The following RPTOR variants were observed in gnomAD, a reference collection of about 807,000 sequenced individuals.
The protein encoded by RPTOR is regulatory-associated protein of mTOR.
In RPTOR, 21 loss-of-function variants were observed where a neutral mutation model predicts 169.9. The observed-to-expected ratio is 0.12, with a 90% CI of 0.09 to 0.18. The LOEUF is 0.18. RPTOR is among the 10% of genes least tolerant of loss of function. The pLI is 1.00. For missense variants in RPTOR, 1,133 were observed against 1,855.9 expected, an observed-to-expected ratio of 0.61 and a Z score of 7.16; for synonymous variants, 732 against 753.2, an observed-to-expected ratio of 0.97 and a Z score of 0.46.
At chr17:80,580,533 A>G (rs189170024) in intron 1 of RPTOR, among the ~76,000 whole-genome samples, 267 of 152,254 alleles carry the variant, frequency 1.8e-3, no homozygotes, top group African/African-American at 5.9e-3. Context: ...GTATTTTTAC[A>G]TATGTTTATG....
chr17:80,827,771 A>T (rs558598938), intron 9 of RPTOR, among the ~76,000 whole-genome samples: 1 of 152,308 alleles, frequency 6.6e-6, no homozygotes, highest in Admixed American at 6.5e-5. Context: ...ACAGGTGGTC[A>T]TGTAAGAATA....
At chr17:80,879,573 G>C (rs1270475941) in intron 13 of RPTOR, among the ~76,000 whole-genome samples, 1 of 152,036 alleles carries the variant, frequency 6.6e-6, no homozygotes, top group Non-Finnish European at 1.5e-5. Context: ...TCTCCAAAAA[G>C]TACAAGACCC....
rs141638470 is a variant in RPTOR, at chr17:80,760,763, G to A, written c.830+6578G>A. 6.2e-4 allele frequency among the ~76,000 whole-genome samples: 95 copies of A among 152,270 alleles called. 2 individuals carry two copies. The East Asian group carries it at 0.015, about 24-fold the overall frequency. On this transcript the variant is annotated intron_variant, in intron 6 of 33. Transcript: ENST00000306801. ...GTGACCTGGAGAAGGGCGATGCTCG[G>A]GAAGGTGGATTCCCTCCCTCCCTCC...
intron 6 of RPTOR, among the ~76,000 whole-genome samples, chr17:80,776,321 C>CTTTTT (rs545348018): frequency 8.0e-5 from 9 of 112,240 alleles, no homozygotes; most frequent in South Asian, 5.7e-4. Flanking sequence ...GCCAAACTTC[C>CTTTTT]TTTTTTTTTT....
intron 3 of RPTOR, among the ~76,000 whole-genome samples, chr17:80,706,425 G>A (rs1420646978): frequency 1.3e-5 from 2 of 152,270 alleles, no homozygotes; most frequent in East Asian, 1.9e-4. Flanking sequence ...CACCCAGCCA[G>A]GTCTGTCTCC....
At chr17:80,933,968 G>A (rs752851130) in intron 24 of RPTOR, among the ~76,000 whole-genome samples, 6 of 151,876 alleles carry the variant, frequency 4.0e-5, no homozygotes, top group Admixed American at 2.6e-4. Context: ...TTGAGATGGG[G>A]TCTCATTCTG....
At chr17:80,904,953 C>T (rs1254624689) in intron 20 of RPTOR, among the ~76,000 whole-genome samples, 1 of 152,150 alleles carries the variant, frequency 6.6e-6, no homozygotes, top group Non-Finnish European at 1.5e-5. Context: ...AACAGTATTT[C>T]GACTTTGATA....
Position 80,655,747 on chromosome 17 carries a change from G to A in RPTOR, c.348+11937G>A, listed in dbSNP as rs2065674889. Among the ~76,000 whole-genome samples the A allele has an allele frequency of 5.3e-5, 8 of 152,142 alleles. No individual in the cohort carries two copies. The South Asian group carries it at 1.5e-3, about 28-fold the overall frequency. On this transcript the variant is annotated intron_variant, in intron 3 of 33. Transcript: ENST00000306801. ...GAGCCACAGTGCCAGCTTAAAATAC[G>A]TCAAATTTAAAATGCAAAAGAAGAA...
At chr17:80,859,320 T>C (rs1180869550) in intron 13 of RPTOR, among the ~76,000 whole-genome samples, 6 of 152,110 alleles carry the variant, frequency 3.9e-5, no homozygotes, top group Non-Finnish European at 7.4e-5. Context: ...GTGCAAAGGG[T>C]CTGGGAAGGG....
At chr17:80,713,168 A>G (rs2066210023) in intron 4 of RPTOR, among the ~76,000 whole-genome samples, 2 of 152,130 alleles carry the variant, frequency 1.3e-5, no homozygotes, top group South Asian at 4.1e-4. Flanking sequence ...TCCTGGGTTC[A>G]AGTGATTCTC....
chr17:80,820,974 T>C lies in RPTOR; in HGVS notation c.891-1227T>C, dbSNP rs1467148702. Among the ~76,000 whole-genome samples the C allele has an allele frequency of 6.6e-6, 1 of 152,266 alleles. No homozygotes were observed. The highest frequency in any genetic ancestry group is 1.5e-5 in the Non-Finnish European group (1 of 68,040). On this transcript the variant is annotated intron_variant, in intron 7 of 33. Transcript: ENST00000306801. The surrounding 1 kb of genome is among the most constrained non-coding windows in gnomAD (Gnocchi z 4.1). ...AAATCTTTGTTTGAGACTTCCGGCA[T>C]TGTTTGAGCAGCAGTGCTGCTTTAG...
chr17:80,835,098 G>C (rs139335181), intron 9 of RPTOR, among the ~76,000 whole-genome samples: 276 of 152,256 alleles, frequency 1.8e-3, no homozygotes, highest in Non-Finnish European at 3.3e-3. Context: ...CACGTACTTT[G>C]AGGCCTTTTG....
intron 3 of RPTOR, among the ~76,000 whole-genome samples, chr17:80,691,537 C>T (rs890079761): frequency 1.3e-5 from 2 of 152,276 alleles, no homozygotes; most frequent in African/African-American, 4.8e-5. Context: ...TTACTCTATT[C>T]GTTCTTCACC....
At chr17:80,812,638 C>T (rs1263371646) in intron 7 of RPTOR, among the ~76,000 whole-genome samples, 3 of 152,184 alleles carry the variant, frequency 2.0e-5, no homozygotes, top group East Asian at 1.9e-4. Context: ...CAAACGAAAG[C>T]TCAACCCCTG....
intron 21 of RPTOR, among the ~76,000 whole-genome samples, chr17:80,918,178 C>G (rs1425201488): frequency 6.6e-6 from 1 of 152,216 alleles, no homozygotes; most frequent in African/African-American, 2.4e-5. Context: ...TCAGCCTGGA[C>G]TAGCATAGCT....
chr17:80,873,888 C>A (rs911310033), intron 13 of RPTOR, among the ~76,000 whole-genome samples: 1 of 152,182 alleles, frequency 6.6e-6, no homozygotes, highest in African/African-American at 2.4e-5. Context: ...GGACAGCACT[C>A]GGTCTGTGCT....
chr17:80,569,909 AC>A (rs1329080464), intron 1 of RPTOR, among the ~76,000 whole-genome samples: 1 of 151,460 alleles, frequency 6.6e-6, no homozygotes, highest in Non-Finnish European at 1.5e-5. Context: ...AATGTTTCTC[AC>A]CCTGCTCCGC....
chr17:80,709,936 GA>G (rs1205674342), intron 4 of RPTOR, among the ~76,000 whole-genome samples: 2 of 151,406 alleles, frequency 1.3e-5, no homozygotes, highest in Non-Finnish European at 2.9e-5. Flanking sequence ...TTTATGATGT[GA>G]TTTTTTTTCT....
At chr17:80,690,034 C>T (rs999850688) in intron 3 of RPTOR, among the ~76,000 whole-genome samples, 132 of 152,174 alleles carry the variant, frequency 8.7e-4, no homozygotes, top group African/African-American at 2.9e-3. Context: ...GTCTTTTAAT[C>T]ATTGAAACAT....
Sources: allele counts gnomAD v4.1 joint callset (sites outside exome capture counted in the v4.1 genomes callset), GRCh38; gene constraint gnomAD v4.1.1; non-coding constraint Gnocchi (gnomAD v3.1); transcripts MANE v1.5; gene names NCBI Gene and HGNC (gene_info 2026-07-23, HGNC 2026-07-21).